NAALADL2: variants seen among roughly 807,000 people sequenced by gnomAD.
NAALADL2 encodes the protein N-acetylated alpha-linked acidic dipeptidase like 2.
In NAALADL2, 76 loss-of-function variants were observed where a neutral mutation model predicts 87.2. The ratio of observed to expected loss-of-function variants is 0.87; its 90% confidence interval spans 0.72 to 1.05. The LOEUF is 1.05. NAALADL2 is among the 50% of genes least tolerant of loss of function. The probability of loss-of-function intolerance (pLI) is 0.00; values close to 1 mark genes in which losing one functional copy is unlikely to be tolerated. For missense variants in NAALADL2, 1,089 were observed against 945.8 expected, an observed-to-expected ratio of 1.15 and a Z score of -1.99; for synonymous variants, 354 against 331.0, an observed-to-expected ratio of 1.07 and a Z score of -0.75.
At chr3:175,766,952 A>T (rs1174686932) in intron 13 of NAALADL2, among the ~76,000 whole-genome samples, 1 of 152,186 alleles carries the variant, frequency 6.6e-6, no homozygotes. Context: ...TTGAGATGAA[A>T]CACAAGGAAA....
At chr3:174,479,840 A>T (rs766072975) in intron 1 of NAALADL2, among the ~76,000 whole-genome samples, 1 of 152,120 alleles carries the variant, frequency 6.6e-6, no homozygotes, top group Non-Finnish European at 1.5e-5. Context: ...ATAAAATTAA[A>T]AACGATGAAA....
chr3:175,757,204 A>G (rs1747383573), intron 13 of NAALADL2, among the ~76,000 whole-genome samples: 1 of 152,050 alleles, frequency 6.6e-6, no homozygotes, highest in South Asian at 2.1e-4. Context: ...ATGTATAAAC[A>G]AAGGTTATAA....
chr3:174,522,717 G>A (rs1386609483), intron 1 of NAALADL2, among the ~76,000 whole-genome samples: 5 of 151,720 alleles, frequency 3.3e-5, no homozygotes, highest in African/African-American at 1.2e-4. Context: ...GGTGGATCAC[G>A]AGGTCAGGAG....
At chr3:175,665,873 G>A (rs1732899807) in intron 11 of NAALADL2, among the ~76,000 whole-genome samples, 1 of 152,120 alleles carries the variant, frequency 6.6e-6, no homozygotes, top group Non-Finnish European at 1.5e-5. Flanking sequence ...GGACGTTGCA[G>A]TGAGCCAAGA....
chr3:175,344,030 G>GA, intron 5 of NAALADL2, among the ~76,000 whole-genome samples: 1 of 152,050 alleles, frequency 6.6e-6, no homozygotes, highest in African/African-American at 2.4e-5. Flanking sequence ...ACCCAGTTCT[G>GA]AAAAAATACT....
chr3:175,448,512 T>C (rs1721043226), intron 6 of NAALADL2, among the ~76,000 whole-genome samples: 1 of 152,140 alleles, frequency 6.6e-6, no homozygotes, highest in Admixed American at 6.6e-5. Flanking sequence ...CCCCAATACA[T>C]TCCAGCCACT....
intron 9 of NAALADL2, among the ~76,000 whole-genome samples, chr3:175,474,019 C>T (rs1227887597): frequency 6.6e-6 from 1 of 152,168 alleles, no homozygotes; most frequent in Non-Finnish European, 1.5e-5. Flanking sequence ...TACATTCCCA[C>T]CAACAGCATA....
intron 5 of NAALADL2, among the ~76,000 whole-genome samples, chr3:175,401,677 A>G (rs1321672762): frequency 5.3e-5 from 8 of 152,286 alleles, no homozygotes; most frequent in Middle Eastern, 3.4e-3. Flanking sequence ...TTGTGTGTCT[A>G]AACAGCTAAA....
intron 1 of NAALADL2, among the ~76,000 whole-genome samples, chr3:174,993,034 G>T (rs73048942): frequency 6.6e-6 from 1 of 151,984 alleles, no homozygotes; most frequent in East Asian, 1.9e-4. Flanking sequence ...AGAGCATATC[G>T]AGAATATGGA....
Position 174,900,866 on chromosome 3 carries a change from G to A in NAALADL2, c.43+41416G>A, listed in dbSNP as rs73881549. ...CATTGTAAAAGTAAAATACATATCA[G>A]TAAGCTTCTTTAGAGTTCCTTCCCC... On this transcript the variant is annotated intron_variant, in intron 1 of 13. Coordinates refer to ENST00000454872, the MANE Select transcript of NAALADL2 (RefSeq NM_207015.3). 4.7e-3 allele frequency among the ~76,000 whole-genome samples: 709 copies of A among 151,946 alleles called. 6 individuals are homozygous for A. Among genetic ancestry groups the A allele is most frequent in the African/African-American group, 0.016 (673 of 41,468 alleles).
At chr3:175,681,183 T>C (rs1735546088) in intron 11 of NAALADL2, among the ~76,000 whole-genome samples, 1 of 152,216 alleles carries the variant, frequency 6.6e-6, no homozygotes, top group East Asian at 1.9e-4. Context: ...TCTCTATTTG[T>C]ATCATCTACT....
At chr3:175,361,349 A>C (rs1237058860) in intron 5 of NAALADL2, among the ~76,000 whole-genome samples, 2 of 148,070 alleles carry the variant, frequency 1.4e-5, no homozygotes, top group African/African-American at 4.9e-5. Context: ...GTCTTTATAG[A>C]AGCATGATGT....
At chr3:175,457,508 A>G (rs1316792062) in intron 6 of NAALADL2, among the ~76,000 whole-genome samples, 2 of 152,054 alleles carry the variant, frequency 1.3e-5, no homozygotes, top group Non-Finnish European at 2.9e-5. Context: ...GATGATGCCA[A>G]TGGTGACTTT....
At chr3:175,247,837 G>GC (rs1748266782) in intron 3 of NAALADL2, among the ~76,000 whole-genome samples, 2 of 152,194 alleles carry the variant, frequency 1.3e-5, no homozygotes, top group Admixed American at 1.3e-4. Context: ...AGAGGATTAT[G>GC]TAGGGCATAA....
chr3:175,364,997 A>G (rs1382016849), intron 5 of NAALADL2, among the ~76,000 whole-genome samples: 4 of 147,770 alleles, frequency 2.7e-5, no homozygotes, highest in Non-Finnish European at 6.0e-5. Flanking sequence ...GTGTATGAAA[A>G]TAATCTTTCT....
intron 5 of NAALADL2, among the ~76,000 whole-genome samples, chr3:175,417,202 T>C (rs1714807343): frequency 6.6e-6 from 1 of 150,932 alleles, no homozygotes; most frequent in South Asian, 2.1e-4. Context: ...TACTAACTTC[T>C]TTTTATGAGA....
chr3:174,682,676 G>A (rs1487830193), intron 2 of NAALADL2, among the ~76,000 whole-genome samples: 1 of 152,204 alleles, frequency 6.6e-6, no homozygotes, highest in East Asian at 1.9e-4. Context: ...AAGAGCTACA[G>A]CATTACTAGG....
At position 175,305,179 on chromosome 3, in the gene NAALADL2, G is replaced by C. The variant is rs183928353; in HGVS notation, c.940-18996G>C. Among the ~76,000 whole-genome samples, 48 of 151,916 alleles carry C rather than the reference G, an allele frequency of 3.2e-4. 1 individual carries two copies. The highest frequency in any genetic ancestry group is 2.6e-3 in the Admixed American group (40 of 15,232). On this transcript the variant is annotated intron_variant, in intron 4 of 13. Coordinates refer to ENST00000454872, the MANE Select transcript of NAALADL2 (RefSeq NM_207015.3). ...AGAATCTAGTTATACTTTTTACAAG[G>C]TTCCCCTTGTGGCCACATGTATAGA...
intron 2 of NAALADL2, among the ~76,000 whole-genome samples, chr3:175,181,733 A>ATGTATAGATATG: frequency 2.9e-5 from 1 of 34,460 alleles, no homozygotes; most frequent in East Asian, 8.0e-4. Flanking sequence ...ATATGTATAT[A>ATGTATAGATATG]TGTGTATATA....
Sources: allele counts gnomAD v4.1 joint callset (sites outside exome capture counted in the v4.1 genomes callset), GRCh38; gene constraint gnomAD v4.1.1; transcripts MANE v1.5; gene names NCBI Gene and HGNC (gene_info 2026-07-23, HGNC 2026-07-21).